The following TENM4 variants were observed in gnomAD, a reference collection of about 807,000 sequenced individuals.
TENM4 encodes the protein teneurin-4.
TENM4 carries 82 observed loss-of-function variants against 243.3 expected under a neutral mutation model. That is an observed-to-expected ratio of 0.34 (90% CI 0.28 to 0.40). The LOEUF (loss-of-function observed/expected upper bound fraction) is 0.40, where lower values mean the gene tolerates loss of function less well. Ranked by LOEUF, TENM4 falls within the 10% of genes least tolerant of loss-of-function variation. The probability of loss-of-function intolerance (pLI) is 1.00; values close to 1 mark genes in which losing one functional copy is unlikely to be tolerated. For synonymous variants in TENM4, 1,412 were observed against 1,456.3 expected (o/e 0.97, Z 0.69); for missense variants, 3,138 against 3,673.3 (o/e 0.85, Z 3.77).
At position 78,805,287 on chromosome 11, in the gene TENM4, T is replaced by C. The variant is rs928023418; in HGVS notation, c.2179+5A>G. The C allele has an allele frequency of 4.7e-6, 2 of 427,824 alleles. No homozygotes were observed. Among genetic ancestry groups the C allele is most frequent in the Non-Finnish European group, 5.7e-6 (2 of 348,060 alleles). 26.5% of individuals were successfully genotyped at this position (427,824 alleles called of 1,614,324 possible). On this transcript the variant is annotated splice_donor_5th_base_variant and intron_variant, in intron 15 of 33. Transcript: ENST00000278550. The stretch of plus-strand genomic sequence containing the variant: ...TACCCATGCTTCTTCTCCCCCTGCA[T>C]TTACCGATAGAACAGTCGTGTCCAG...
chr11:79,375,210 G>A (rs966920347), intron 1 of TENM4, among the ~76,000 whole-genome samples: 8 of 152,188 alleles, frequency 5.3e-5, no homozygotes, highest in Non-Finnish European at 1.0e-4. Flanking sequence ...GATTAAAGCT[G>A]CATTTGAGGA....
chr11:78,953,303 G>A (rs988638541), intron 6 of TENM4, among the ~76,000 whole-genome samples: 1 of 152,198 alleles, frequency 6.6e-6, no homozygotes, highest in African/African-American at 2.4e-5. Context: ...CACCCAGGAG[G>A]GGGAGGGGGA....
At chr11:78,834,192 A>G (rs1260575890) in intron 12 of TENM4, among the ~76,000 whole-genome samples, 3 of 151,938 alleles carry the variant, frequency 2.0e-5, no homozygotes, top group Non-Finnish European at 4.4e-5. Context: ...TAACTTTCCT[A>G]TTTCTAATGT....
intron 6 of TENM4, among the ~76,000 whole-genome samples, chr11:79,046,031 C>T (rs1859646684): frequency 6.6e-6 from 1 of 152,236 alleles, no homozygotes; most frequent in African/African-American, 2.4e-5. Context: ...CACTTGCAGT[C>T]ACTCTTACAC....
At chr11:79,367,952 C>T (rs764833846) in intron 1 of TENM4, among the ~76,000 whole-genome samples, 3 of 152,190 alleles carry the variant, frequency 2.0e-5, no homozygotes, top group Admixed American at 6.5e-5. Flanking sequence ...GTGATAATCA[C>T]TTGCTACATC....
intron 1 of TENM4, among the ~76,000 whole-genome samples, chr11:79,393,694 C>T (rs1336639062): frequency 3.3e-5 from 5 of 152,202 alleles, no homozygotes; most frequent in Non-Finnish European, 7.3e-5. Context: ...ATATGGGCAC[C>T]ACTGAAGAGC....
rs377552843 is a variant in TENM4, at chr11:78,729,364, C to A, written c.3406+12G>T. The A allele has an allele frequency of 6.4e-7, 1 of 1,563,166 alleles. No individual in the cohort carries two copies. Among genetic ancestry groups the A allele is most frequent in the Non-Finnish European group, 8.7e-7 (1 of 1,152,232 alleles). On this transcript the variant is annotated intron_variant, in intron 22 of 33. Transcript: ENST00000278550. ...AGAGCTATTCTCTGAGTCCTGCAGC[C>A]GGGAGGCTTACCAAAGGCTTCTGAA... is the stretch of plus-strand genomic sequence containing the variant.
intron 25 of TENM4, 81 bp from the exon 26 acceptor site, chr11:78,712,795 C>A: frequency 7.5e-7 from 1 of 1,331,694 alleles, no homozygotes. Flanking sequence ...GAACCCCTGG[C>A]CCTTTAGAAT....
At chr11:78,910,875 C>A (rs2136350686) in intron 6 of TENM4, among the ~76,000 whole-genome samples, 1 of 152,260 alleles carries the variant, frequency 6.6e-6, no homozygotes, top group African/African-American at 2.4e-5. Context: ...AGTATTTGGC[C>A]TGAAATCCCA....
chr11:79,271,235 G>A (rs1378522464), intron 2 of TENM4, among the ~76,000 whole-genome samples: 1 of 152,188 alleles, frequency 6.6e-6, no homozygotes, highest in Non-Finnish European at 1.5e-5. Context: ...CAGCGTTCCT[G>A]AGCCGCCCGA....
intron 16 of TENM4, among the ~76,000 whole-genome samples, chr11:78,785,420 G>A (rs1856915308): frequency 6.6e-6 from 1 of 152,196 alleles, no homozygotes; most frequent in South Asian, 2.1e-4. Context: ...AGGGACAGGA[G>A]CAGATGCCTC....
chr11:79,387,765 G>A (rs947112001), intron 1 of TENM4, among the ~76,000 whole-genome samples: 1 of 152,226 alleles, frequency 6.6e-6, no homozygotes, highest in Admixed American at 6.5e-5. Flanking sequence ...AGCACTTTGG[G>A]AGGCCAAGGC....
At chr11:78,996,424 AG>A (rs1858174107) in intron 6 of TENM4, among the ~76,000 whole-genome samples, 1 of 152,210 alleles carries the variant, frequency 6.6e-6, no homozygotes, top group Non-Finnish European at 1.5e-5. Context: ...TTTTAGCCCC[AG>A]CCAAGAGCTC....
chr11:79,387,103 G>T (rs769699968), intron 1 of TENM4, among the ~76,000 whole-genome samples: 1 of 152,080 alleles, frequency 6.6e-6, no homozygotes, highest in Non-Finnish European at 1.5e-5. Context: ...GGAGCAACGT[G>T]GATAAATCTC....
chr11:79,322,416 G>T (rs1590878733), intron 1 of TENM4, among the ~76,000 whole-genome samples: 1 of 152,138 alleles, frequency 6.6e-6, no homozygotes, highest in Admixed American at 6.5e-5. Flanking sequence ...CAAATTATGT[G>T]GCTGGCCCTG....
intron 12 of TENM4, among the ~76,000 whole-genome samples, chr11:78,826,442 A>G (rs1292703730): frequency 6.6e-6 from 1 of 152,090 alleles, no homozygotes; most frequent in East Asian, 1.9e-4. Flanking sequence ...AAAACTATAT[A>G]AAGATAACCT....
chr11:79,132,206 C>A (rs368370983), intron 4 of TENM4, among the ~76,000 whole-genome samples: 3 of 151,158 alleles, frequency 2.0e-5, no homozygotes, highest in Non-Finnish European at 3.0e-5. Context: ...ATGAGCCGGG[C>A]GCGGTGGTGG....
intron 6 of TENM4, among the ~76,000 whole-genome samples, chr11:79,030,967 G>A (rs889832986): frequency 1.3e-5 from 2 of 152,176 alleles, no homozygotes; most frequent in African/African-American, 4.8e-5. Context: ...GTGGGGGGAA[G>A]GCAGAGAAGG....
At chr11:78,780,084 T>C (rs1244638223) in intron 16 of TENM4, among the ~76,000 whole-genome samples, 1 of 152,132 alleles carries the variant, frequency 6.6e-6, no homozygotes, top group Admixed American at 6.5e-5. Flanking sequence ...CTTACAGATG[T>C]CGTGGAGTCC....
Sources: gnomAD v4.1 joint callset for allele counts (sites outside exome capture counted in the v4.1 genomes callset) on GRCh38, gnomAD v4.1.1 for gene constraint, MANE v1.5 for transcripts, NCBI Gene and HGNC (gene_info 2026-07-23, HGNC 2026-07-21) for gene names.